The following GAS7 variants were observed in gnomAD, a reference collection of about 807,000 sequenced individuals.
GAS7 encodes growth arrest specific 7, also known as growth arrest-specific protein 7.
A neutral mutation model predicts 71.1 loss-of-function variants in GAS7; 28 were observed. The observed-to-expected ratio is 0.39, with a 90% CI of 0.29 to 0.54. The LOEUF (loss-of-function observed/expected upper bound fraction) is 0.54. GAS7 is among the 20% of genes least tolerant of loss of function. The pLI, the probability that GAS7 is intolerant of heterozygous loss-of-function variation, is 0.62. For synonymous variants in GAS7, 258 were observed against 245.8 expected (o/e 1.05, Z -0.46); for missense variants, 436 against 627.8 (o/e 0.69, Z 3.27).
intron 1 of GAS7, among the ~76,000 whole-genome samples, chr17:10,117,002 T>C (rs1261500492): frequency 6.6e-6 from 1 of 152,132 alleles, no homozygotes; most frequent in Non-Finnish European, 1.5e-5. Context: ...CAAATTCCCA[T>C]ACACTAACGG....
chr17:10,086,561 G>A (rs2073521993), intron 1 of GAS7, among the ~76,000 whole-genome samples: 1 of 152,190 alleles, frequency 6.6e-6, no homozygotes, highest in Non-Finnish European at 1.5e-5. Context: ...CAAAGGTAGG[G>A]TAGGGAATGA....
At position 9,918,034 on chromosome 17, in the gene GAS7, C is replaced by T. The variant is rs1350173411; in HGVS notation, c.1284G>A (p.Gln428=). 2.5e-6 allele frequency: 4 copies of T among 1,613,664 alleles called. No individual in the cohort carries two copies. In the African/African-American group the frequency reaches 5.3e-5, roughly 22 times the overall value. ...MIRQHLCQYT[Q]LRHETDMFNQ... is the part of the protein sequence containing the mutation. Reference sequence around the variant, plus strand: ...TGAACATGTCTGTTTCATGCCGCAGCTGCGTGTACTGGCACAGGTGCTGCC... The same window carrying T: ...TGAACATGTCTGTTTCATGCCGCAGTTGCGTGTACTGGCACAGGTGCTGCC... Residue 428 remains glutamine, a synonymous_variant, in exon 13 of 14, where the codon CAG becomes CAA. Transcript: ENST00000432992.
intron 1 of GAS7, among the ~76,000 whole-genome samples, chr17:10,096,484 G>A (rs2073642169): frequency 6.6e-6 from 1 of 152,196 alleles, no homozygotes; most frequent in South Asian, 2.1e-4. Flanking sequence ...GTAAGCCAAT[G>A]AGGAATCTGT....
rs959083663 is a variant in GAS7 at position 10,016,498 on chromosome 17, C to T, written c.304+3279G>A. Reference sequence around the variant, plus strand: ...TTTTTAGCATAAAAGAGGAGAGAGCCGAGCACGGTGGCTCATGCCTATAAT... The same window carrying T: ...TTTTTAGCATAAAAGAGGAGAGAGCTGAGCACGGTGGCTCATGCCTATAAT... On this transcript the variant is annotated intron_variant, in intron 2 of 13. Transcript: ENST00000432992. 2.4e-4 allele frequency among the ~76,000 whole-genome samples: 36 copies of T among 148,200 alleles called. No individual in the cohort carries two copies. In the Middle Eastern group the frequency reaches 0.011, roughly 44 times the overall value.
chr17:10,027,837 T>C (rs1372631880), intron 1 of GAS7, among the ~76,000 whole-genome samples: 5 of 152,166 alleles, frequency 3.3e-5, no homozygotes, highest in African/African-American at 1.2e-4. Flanking sequence ...CTGGACAACA[T>C]AGTGAGACCC....
At chr17:10,059,612 C>T in intron 1 of GAS7, 1 of 786,034 alleles carries the variant, frequency 1.3e-6, no homozygotes, top group Non-Finnish European at 1.5e-6. Context: ...GGAGTGGCGG[C>T]TGCCTCGCAC....
intron 1 of GAS7, among the ~76,000 whole-genome samples, chr17:10,196,275 G>T (rs1227726466): frequency 6.6e-6 from 1 of 152,186 alleles, no homozygotes; most frequent in Non-Finnish European, 1.5e-5. Flanking sequence ...TTACTAGTTG[G>T]GGAGCTGACT....
At chr17:10,188,200 G>A (rs59605287) in intron 1 of GAS7, among the ~76,000 whole-genome samples, 60,169 of 151,444 alleles carry the variant, frequency 0.4, 12,173 homozygotes, top group African/African-American at 0.46. Context: ...CCGAGATCGC[G>A]CCACTGCACT....
chr17:9,958,867 G>A (rs1365810651), intron 5 of GAS7: 12 of 557,734 alleles, frequency 2.2e-5, no homozygotes, highest in South Asian at 1.2e-4. Flanking sequence ...TAATTTACAC[G>A]TCACATCACT....
intron 5 of GAS7, among the ~76,000 whole-genome samples, chr17:9,950,875 A>G (rs1010408952): frequency 1.3e-5 from 2 of 151,490 alleles, no homozygotes; most frequent in Non-Finnish European, 2.9e-5. Context: ...AAAGGTGCAC[A>G]GCTTCCTGAA....
At chr17:10,027,566 G>A (rs760542503) in intron 1 of GAS7, among the ~76,000 whole-genome samples, 9 of 152,212 alleles carry the variant, frequency 5.9e-5, no homozygotes, top group East Asian at 1.9e-4. Flanking sequence ...AGCTTCACGC[G>A]GTATTCACTA....
At chr17:10,061,954 AAC>A (rs1343049958) in intron 1 of GAS7, among the ~76,000 whole-genome samples, 32 of 152,254 alleles carry the variant, frequency 2.1e-4, no homozygotes, top group African/African-American at 5.8e-4. Context: ...GACGCTGCTA[AAC>A]ACTCAACAAT....
chr17:10,019,884 A>G lies in GAS7; in HGVS notation c.197T>C (p.Val66Ala), dbSNP rs779039495. ...GCTTTCTTCTCCCGGCGGAGGGGGG[A>G]CCATTCCAGGCTTCTGTTGGAGAAG... ...YVQLLEKPGM[V>A]PPPPGEESQT... The change falls in exon 2 of 14, where the codon GTC (valine) becomes GCC (alanine). Residue 66 changes from valine to alanine, a missense_variant. Val to Ala is a moderately conservative substitution (Grantham distance 64, BLOSUM62 0). Coordinates refer to ENST00000432992, the MANE Select transcript of GAS7 (RefSeq NM_201433.2). 1 of 1,613,686 alleles carries G rather than the reference A, an allele frequency of 6.2e-7. No homozygotes were observed. Among genetic ancestry groups the G allele is most frequent in the East Asian group, 2.2e-5 (1 of 44,862 alleles).
At chr17:10,132,908 C>T (rs1297411069) in intron 1 of GAS7, among the ~76,000 whole-genome samples, 2 of 151,986 alleles carry the variant, frequency 1.3e-5, no homozygotes, top group Non-Finnish European at 2.9e-5. Context: ...AGCTGCACCT[C>T]CGACCTCCAC....
chr17:10,104,943 C>G (rs951192805), intron 1 of GAS7, among the ~76,000 whole-genome samples: 7 of 152,120 alleles, frequency 4.6e-5, no homozygotes, highest in Non-Finnish European at 1.0e-4. Context: ...TAAAATCATC[C>G]CAAGGCTTTG....
At chr17:10,045,881 AT>A (rs1306753059) in intron 1 of GAS7, among the ~76,000 whole-genome samples, 1 of 152,016 alleles carries the variant, frequency 6.6e-6, no homozygotes, top group Admixed American at 6.6e-5. Context: ...TTTACTCAAT[AT>A]TTTTTTCGAA....
intron 1 of GAS7, among the ~76,000 whole-genome samples, chr17:10,170,805 A>G (rs2074330476): frequency 6.6e-6 from 1 of 152,206 alleles, no homozygotes; most frequent in Non-Finnish European, 1.5e-5. Flanking sequence ...TTCCAATGAG[A>G]AAGAAAGTGG....
intron 3 of GAS7, among the ~76,000 whole-genome samples, chr17:9,977,572 C>T (rs1408156725): frequency 2.6e-5 from 4 of 152,152 alleles, no homozygotes; most frequent in Non-Finnish European, 5.9e-5. Context: ...CTTACTCATG[C>T]GGGTCTCACC....
intron 1 of GAS7, among the ~76,000 whole-genome samples, chr17:10,050,926 T>A (rs1267320504): frequency 6.6e-5 from 10 of 152,190 alleles, no homozygotes; most frequent in Admixed American, 5.2e-4. Context: ...TATGTCTTGT[T>A]GCACTGGGGT....
Sources: gnomAD v4.1 joint callset for allele counts (sites outside exome capture counted in the v4.1 genomes callset) on GRCh38, gnomAD v4.1.1 for gene constraint, MANE v1.5 for transcripts, NCBI Gene and HGNC (gene_info 2026-07-23, HGNC 2026-07-21) for gene names.